The following ZFAT variants were observed in gnomAD, a reference collection of about 807,000 sequenced individuals.
The protein encoded by ZFAT is zinc finger and AT-hook domain containing.
In ZFAT, 64 loss-of-function variants were observed where a neutral mutation model predicts 117.7. The observed-to-expected ratio is 0.54, with a 90% CI of 0.44 to 0.67. The LOEUF is 0.67. Among genes scored for constraint, ZFAT ranks in the 30% least tolerant of loss-of-function variants. ZFAT has a pLI of 0.00. For synonymous variants in ZFAT, 679 were observed against 615.0 expected (o/e 1.10, Z -1.54); for missense variants, 1,433 against 1,584.5 (o/e 0.90, Z 1.62).
intron 10 of ZFAT, among the ~76,000 whole-genome samples, chr8:134,568,061 G>A (rs1286584501): frequency 6.6e-6 from 1 of 152,182 alleles, no homozygotes; most frequent in East Asian, 1.9e-4. Context: ...GCACATGAGT[G>A]CACACACAGA....
chr8:134,565,780 C>G, intron 10 of ZFAT: 1 of 339,490 alleles, frequency 2.9e-6, no homozygotes, highest in Non-Finnish European at 5.5e-6. Context: ...GGGGAATGGA[C>G]CACAGGGTGC....
At chr8:134,644,911 GCACA>G (rs746754831) in intron 2 of ZFAT, among the ~76,000 whole-genome samples, 19 of 151,906 alleles carry the variant, frequency 1.3e-4, no homozygotes, top group Non-Finnish European at 2.6e-4. Context: ...ACAATCACAT[GCACA>G]CACACAAACA....
chr8:134,565,528 G>T, intron 10 of ZFAT, 107 bp from the exon 11 acceptor site: 1 of 1,047,552 alleles, frequency 9.5e-7, no homozygotes, highest in Non-Finnish European at 1.4e-6. Context: ...CTTGCCATGT[G>T]AGGATCAGAA....
At chr8:134,728,200 C>T in the ZFAT span, among the ~76,000 whole-genome samples, 1 of 151,962 alleles carries the variant, frequency 6.6e-6, no homozygotes, top group South Asian at 2.1e-4. Flanking sequence ...CTCTTCACAA[C>T]TGACTGGTCT....
At chr8:134,742,009 G>A in the ZFAT span, among the ~76,000 whole-genome samples, 1 of 152,102 alleles carries the variant, frequency 6.6e-6, no homozygotes, top group East Asian at 1.9e-4. Flanking sequence ...TGCCTCATCA[G>A]TTTCCTCTAG....
At chr8:134,580,693 A>G (rs543834311) in intron 10 of ZFAT, among the ~76,000 whole-genome samples, 3 of 152,368 alleles carry the variant, frequency 2.0e-5, no homozygotes, top group South Asian at 4.1e-4. Flanking sequence ...ATTAGACCCA[A>G]TATCTTGGGA....
the ZFAT span, among the ~76,000 whole-genome samples, chr8:134,773,984 A>ATTTTTTTTTTTTTTTTT: frequency 4.6e-4 from 47 of 103,276 alleles, 1 homozygote; most frequent in African/African-American, 1.7e-3. Context: ...TTGAGGATTA[A>ATTTTTTTTTTTTTTTTT]TTTTTTTTTT....
Position 134,602,462 on chromosome 8 carries a change from A to G in ZFAT, c.1257T>C (p.Arg419=), listed in dbSNP as rs3739423. The G allele has an allele frequency of 0.74, 1,194,794 of 1,613,702 alleles. 444,447 individuals are homozygous for G. The highest frequency in any genetic ancestry group is 0.91 in the East Asian group (40,838 of 44,872). The change falls in exon 6 of 16, where the codon CGT becomes CGC. Residue 419 remains arginine, a synonymous_variant. Transcript: ENST00000377838. ...CERKFKNELD[R]DRHMLVHGDK... ...CTCCGTGGACCAGCATATGGCGGTC[A>G]CGGTCCAGCTCGTTCTTGAACTTGC... is the stretch of plus-strand genomic sequence containing the variant.
the ZFAT span, chr8:134,797,773 C>T: frequency 1.3e-5 from 2 of 151,590 alleles, no homozygotes; most frequent in East Asian, 3.9e-4. Flanking sequence ...TATAAAAATT[C>T]TAAATGTGAA....
At position 134,505,257 on chromosome 8, in the gene ZFAT, G is replaced by C. The variant is rs567016889; in HGVS notation, c.3492+4362C>G. Among the ~76,000 whole-genome samples the C allele has an allele frequency of 3.3e-5, 5 of 152,254 alleles. No homozygotes were observed. The South Asian group carries it at 1.0e-3, about 32-fold the overall frequency. ...AAATATCCCAAGTGCTGAGAACAGT[G>C]ACTGGCTGGTAAAAGCAGCTCAAGG... is the stretch of plus-strand genomic sequence containing the variant. On this transcript the variant is annotated intron_variant, in intron 15 of 15. Coordinates refer to ENST00000377838, the MANE Select transcript of ZFAT (RefSeq NM_020863.4).
the ZFAT span, among the ~76,000 whole-genome samples, chr8:134,779,728 A>C: frequency 6.6e-6 from 1 of 152,226 alleles, no homozygotes. Flanking sequence ...AAACCATATT[A>C]CAGCATGTTA....
At chr8:134,521,902 T>C (rs954758846) in intron 12 of ZFAT, among the ~76,000 whole-genome samples, 2 of 152,172 alleles carry the variant, frequency 1.3e-5, no homozygotes, top group Non-Finnish European at 2.9e-5. Flanking sequence ...ACACCACAGC[T>C]GTCTGGAACT....
At chr8:134,620,484 C>T (rs953896256) in intron 3 of ZFAT, among the ~76,000 whole-genome samples, 33 of 152,236 alleles carry the variant, frequency 2.2e-4, no homozygotes, top group Non-Finnish European at 8.8e-5. Flanking sequence ...ATTGGCTTGT[C>T]AATGGTGTGC....
At chr8:134,572,550 G>C (rs544927040) in intron 10 of ZFAT, among the ~76,000 whole-genome samples, 74 of 152,318 alleles carry the variant, frequency 4.9e-4, no homozygotes, top group African/African-American at 1.7e-3. Flanking sequence ...ACTTACGGGT[G>C]CTCTTTCTGA....
chr8:134,784,131 T>C, the ZFAT span: 1 of 152,144 alleles, frequency 6.6e-6, no homozygotes, highest in African/African-American at 2.4e-5. Flanking sequence ...AGGAGCAAGT[T>C]GAGGGCTAGA....
chr8:134,654,968 T>C (rs545719110), intron 2 of ZFAT, among the ~76,000 whole-genome samples: 3 of 152,294 alleles, frequency 2.0e-5, no homozygotes, highest in South Asian at 4.1e-4. Flanking sequence ...GCAGCCCCAC[T>C]TGGGACCAAA....
In ZFAT at chr8:134,602,659, G is replaced by C; in HGVS notation, c.1060C>G (p.Gln354Glu). The C allele has an allele frequency of 1.9e-6, 3 of 1,614,218 alleles. No individual in the cohort carries two copies. Among genetic ancestry groups the C allele is most frequent in the Non-Finnish European group, 2.5e-6 (3 of 1,180,046 alleles). ...TTCTTCTTGCAGAAGCGGCAGTGCTGCTTGATCTTCTTGTGCACTCGCTCG... is the reference window on the plus strand; with the variant it reads ...TTCTTCTTGCAGAAGCGGCAGTGCTCCTTGATCTTCTTGTGCACTCGCTCG... ...HIERVHKKIK[Q>E]HCRFCKKKYS... is the part of the protein sequence containing the mutation. The change falls in exon 6 of 16, where the codon CAG (glutamine) becomes GAG (glutamate). Residue 354 changes from glutamine (Q) to glutamate (E), a missense_variant. Gln to Glu is a conservative substitution (Grantham distance 29). Coordinates refer to ENST00000377838, the MANE Select transcript of ZFAT (RefSeq NM_020863.4).
intron 10 of ZFAT, among the ~76,000 whole-genome samples, chr8:134,566,393 C>CAAAAAAAAAAAAA (rs57041885): frequency 0.016 from 1,200 of 76,928 alleles, 90 homozygotes; most frequent in African/African-American, 0.027. Context: ...GACTCCAACT[C>CAAAAAAAAAAAAA]AAAAAAAAAA....
chr8:134,611,951 TGAG>T (rs1394251968), intron 3 of ZFAT, among the ~76,000 whole-genome samples: 3 of 152,162 alleles, frequency 2.0e-5, no homozygotes, highest in Admixed American at 2.0e-4. Flanking sequence ...GGCATTAGCC[TGAG>T]GGGTAAGAAA....
Sources: gnomAD v4.1 joint callset for allele counts (sites outside exome capture counted in the v4.1 genomes callset) on GRCh38, gnomAD v4.1.1 for gene constraint, MANE v1.5 for transcripts, NCBI Gene and HGNC (gene_info 2026-07-23, HGNC 2026-07-21) for gene names.